UST: variants seen among roughly 807,000 people sequenced by gnomAD.
The protein encoded by UST is uronyl 2-sulfotransferase.
UST carries 21 observed loss-of-function variants against 45.6 expected under a neutral mutation model. That is an observed-to-expected ratio of 0.46 (90% CI 0.33 to 0.66). The LOEUF (loss-of-function observed/expected upper bound fraction) is 0.66, where lower values mean the gene tolerates loss of function less well. Among genes scored for constraint, UST ranks in the 30% least tolerant of loss-of-function variants. The pLI is 0.02. For synonymous variants in UST, 215 were observed against 200.6 expected (o/e 1.07, Z -0.61); for missense variants, 463 against 512.4 (o/e 0.90, Z 0.93).
At chr6:148,878,888 A>G (rs556671326) in intron 1 of UST, among the ~76,000 whole-genome samples, 1 of 152,042 alleles carries the variant, frequency 6.6e-6, no homozygotes, top group South Asian at 2.1e-4. Context: ...TCCAGGACTG[A>G]CAGAATATCC....
In UST at chr6:148,830,393, A is replaced by G. The variant is rs144690021; in HGVS notation, c.248-56593A>G. Reference sequence around the variant, plus strand: ...ATTAATATGGGAAGTGATAGACCCAACACATATTCTATCCAATTCTATCCC... The same window carrying G: ...ATTAATATGGGAAGTGATAGACCCAGCACATATTCTATCCAATTCTATCCC... On this transcript the variant is annotated intron_variant, in intron 1 of 7. Coordinates refer to ENST00000367463, the MANE Select transcript of UST (RefSeq NM_005715.3). Among the ~76,000 whole-genome samples the G allele has an allele frequency of 4.6e-3, 705 of 152,348 alleles. 4 individuals are homozygous for G. Among genetic ancestry groups the G allele is most frequent in the African/African-American group, 0.016 (672 of 41,572 alleles).
intron 1 of UST, among the ~76,000 whole-genome samples, chr6:148,840,703 G>A (rs190280955): frequency 6.6e-6 from 1 of 152,294 alleles, no homozygotes; most frequent in East Asian, 1.9e-4. Flanking sequence ...GGATATGGAA[G>A]GCTGACTGTA....
intron 1 of UST, among the ~76,000 whole-genome samples, chr6:148,831,860 G>A (rs1777694339): frequency 6.6e-6 from 1 of 152,092 alleles, no homozygotes; most frequent in Admixed American, 6.5e-5. Context: ...ATACTTTCCC[G>A]AAGTCATATA....
intron 7 of UST, among the ~76,000 whole-genome samples, chr6:149,042,070 T>C (rs1401456623): frequency 6.6e-6 from 1 of 152,260 alleles, no homozygotes; most frequent in South Asian, 2.1e-4. Flanking sequence ...GCATGTACTG[T>C]GATAAACATT....
rs116162891 is a variant in UST at position 148,847,185 on chromosome 6, C to T, written c.248-39801C>T. ...GCTTAAAGCAACACCTTATTCATTG[C>T]AACACATACTTATTATCTCCAGGTT... On this transcript the variant is annotated intron_variant, in intron 1 of 7. Transcript: ENST00000367463. Among the ~76,000 whole-genome samples, 429 of 152,348 alleles carry T rather than the reference C, an allele frequency of 2.8e-3. 2 individuals carry two copies. Among genetic ancestry groups the T allele is most frequent in the African/African-American group, 9.9e-3 (412 of 41,592 alleles).
intron 1 of UST, among the ~76,000 whole-genome samples, chr6:148,842,106 A>G (rs1479363688): frequency 6.6e-6 from 1 of 152,200 alleles, no homozygotes. Flanking sequence ...ACTCTGTCCC[A>G]AGAACAACAA....
Position 148,887,021 on chromosome 6 carries a change from C to G in UST, c.283C>G (p.Pro95Ala), listed in dbSNP as rs143984063. ...STYLDDHGPP[P>A]SKVLPFPSQV... ...TTACTTGGATGACCATGGACCACCT[C>G]CTAGTAAGGTAAGATCTTTGCTTGT... The change falls in exon 2 of 8, where the codon CCT (proline) becomes GCT (alanine). Residue 95 changes from proline to alanine, a missense_variant. Physicochemically the swap from Pro to Ala is conservative, Grantham distance 27 (BLOSUM62 -1). Transcript: ENST00000367463. The G allele has an allele frequency of 6.1e-4, 976 of 1,612,714 alleles. 3 individuals carry two copies. Among genetic ancestry groups the G allele is most frequent in the Non-Finnish European group, 4.5e-4 (528 of 1,179,296 alleles).
intron 5 of UST, among the ~76,000 whole-genome samples, chr6:148,977,797 G>T (rs114086745): frequency 6.6e-6 from 1 of 150,380 alleles, no homozygotes; most frequent in African/African-American, 2.4e-5. Flanking sequence ...TTGTTCAGCC[G>T]TCCGCTACCC....
intron 1 of UST, among the ~76,000 whole-genome samples, chr6:148,758,452 T>C (rs969716965): frequency 2.6e-5 from 4 of 152,212 alleles, no homozygotes; most frequent in African/African-American, 9.7e-5. Flanking sequence ...ATGCTGGCGC[T>C]TACTCTCTGG....
At chr6:148,804,883 A>G (rs1222512817) in intron 1 of UST, among the ~76,000 whole-genome samples, 1 of 151,164 alleles carries the variant, frequency 6.6e-6, no homozygotes. Context: ...AAATGAAAAT[A>G]TACTGGCAAA....
At chr6:148,921,599 T>C (rs1779708101) in intron 2 of UST, among the ~76,000 whole-genome samples, 1 of 152,184 alleles carries the variant, frequency 6.6e-6, no homozygotes, top group Non-Finnish European at 1.5e-5. Flanking sequence ...CATTTCCCTC[T>C]CTGGAGCCAT....
At chr6:149,022,882 G>A (rs1321418776) in intron 7 of UST, among the ~76,000 whole-genome samples, 1 of 152,186 alleles carries the variant, frequency 6.6e-6, no homozygotes, top group East Asian at 1.9e-4. Context: ...CCTGAGTGGG[G>A]TTGTGAAACT....
In UST at chr6:149,022,557, G is replaced by A. The variant is rs767927232; in HGVS notation, c.937+1076G>A. On this transcript the variant is annotated intron_variant, in intron 7 of 7. Transcript: ENST00000367463. ...GGAGGTTGCAGTGAGCCAAGATCGC[G>A]CCACTGCACTCCAGCCTAGGCGACA... Among the ~76,000 whole-genome samples the A allele has an allele frequency of 2.9e-4, 44 of 152,150 alleles. 2 individuals carry two copies. Among genetic ancestry groups the A allele is most frequent in the Middle Eastern group, 3.4e-3 (1 of 294 alleles).
At chr6:148,782,727 A>G (rs1776665808) in intron 1 of UST, among the ~76,000 whole-genome samples, 1 of 152,212 alleles carries the variant, frequency 6.6e-6, no homozygotes, top group Non-Finnish European at 1.5e-5. Flanking sequence ...TGCTGGGATT[A>G]CAGACATGAG....
chr6:148,900,116 A>C (rs1779220063), intron 2 of UST, among the ~76,000 whole-genome samples: 1 of 152,024 alleles, frequency 6.6e-6, no homozygotes, highest in Admixed American at 6.6e-5. Flanking sequence ...ATGATCCCCA[A>C]TTTATCCTTG....
chr6:148,867,481 T>A (rs1483346137), intron 1 of UST, among the ~76,000 whole-genome samples: 2 of 152,210 alleles, frequency 1.3e-5, no homozygotes, highest in African/African-American at 4.8e-5. Context: ...ATTCATACTT[T>A]GATATGGTTT....
At chr6:148,971,017 C>T (rs1372388441) in intron 5 of UST, among the ~76,000 whole-genome samples, 2 of 152,222 alleles carry the variant, frequency 1.3e-5, no homozygotes, top group Admixed American at 6.5e-5. Flanking sequence ...GGGACACCTT[C>T]GACGTCCATT....
At chr6:148,774,081 AC>A (rs1335153461) in intron 1 of UST, among the ~76,000 whole-genome samples, 4 of 152,074 alleles carry the variant, frequency 2.6e-5, no homozygotes, top group Non-Finnish European at 5.9e-5. Context: ...ACTACAGCAA[AC>A]CCTTTTGCAG....
rs528228870 is a variant in UST, at chr6:148,888,759, G to T, written c.291+1730G>T. ...GGTTCTACCACTTGATCCACCACCT[G>T]TTTATTGAATGCCTGTGATGCTGCA... On this transcript the variant is annotated intron_variant, in intron 2 of 7. Transcript: ENST00000367463. Among the ~76,000 whole-genome samples the T allele has an allele frequency of 2.0e-5, 3 of 152,312 alleles. No homozygotes were observed. In the East Asian group the frequency reaches 5.8e-4, roughly 29 times the overall value.
Sources: gnomAD v4.1 joint callset for allele counts (sites outside exome capture counted in the v4.1 genomes callset) on GRCh38, gnomAD v4.1.1 for gene constraint, MANE v1.5 for transcripts, NCBI Gene and HGNC (gene_info 2026-07-23, HGNC 2026-07-21) for gene names.